The following WNT7A variants were observed in gnomAD, a reference collection of about 807,000 sequenced individuals.
WNT7A encodes Wnt family member 7A.
In WNT7A, 16 loss-of-function variants were observed where a neutral mutation model predicts 28.2. The observed-to-expected ratio is 0.57, with a 90% CI of 0.38 to 0.86. WNT7A has a LOEUF of 0.86. Among genes scored for constraint, WNT7A ranks in the 40% least tolerant of loss-of-function variants. WNT7A has a pLI of 0.00. For synonymous variants in WNT7A, 190 were observed against 195.9 expected (o/e 0.97, Z 0.25); for missense variants, 411 against 489.7 (o/e 0.84, Z 1.52).
At chr3:13,824,920 A>G (rs934240844) in intron 3 of WNT7A, among the ~76,000 whole-genome samples, 6 of 152,208 alleles carry the variant, frequency 3.9e-5, no homozygotes, top group Admixed American at 3.9e-4. Context: ...ATTACGGCAC[A>G]TCTATGAGTT....
intron 3 of WNT7A, among the ~76,000 whole-genome samples, chr3:13,847,693 A>G (rs567583821): frequency 6.6e-6 from 1 of 152,326 alleles, no homozygotes; most frequent in Non-Finnish European, 1.5e-5. Flanking sequence ...CGCTAACTGA[A>G]ATAAGACAGA....
intron 2 of WNT7A, among the ~76,000 whole-genome samples, chr3:13,863,498 T>C (rs947865363): frequency 6.6e-6 from 1 of 152,040 alleles, no homozygotes; most frequent in Non-Finnish European, 1.5e-5. Flanking sequence ...CCTGCCTGTC[T>C]ACCACATGAA....
At chr3:13,869,788 G>A (rs368277582) in intron 2 of WNT7A, among the ~76,000 whole-genome samples, 39 of 152,054 alleles carry the variant, frequency 2.6e-4, no homozygotes, top group African/African-American at 4.3e-4. Context: ...GACACCCCCC[G>A]CCCAAGGTAG....
At chr3:13,846,854 G>A (rs1417946330) in intron 3 of WNT7A, among the ~76,000 whole-genome samples, 4 of 152,124 alleles carry the variant, frequency 2.6e-5, no homozygotes, top group Non-Finnish European at 4.4e-5. Context: ...GGTGTTCAGC[G>A]CCTCCTCAGG....
chr3:13,844,473 T>A (rs1694508804), intron 3 of WNT7A, among the ~76,000 whole-genome samples: 1 of 152,244 alleles, frequency 6.6e-6, no homozygotes, highest in East Asian at 1.9e-4. Context: ...AGACCCTGAG[T>A]CCAGCTCTCC....
Position 13,817,480 on chromosome 3 carries a change from C to T in WNT7A, c.*1464G>A. ...CACACACACACACACACCGGAAATG[C>T]AAACGGACACATATTAGAACACCCC... is the stretch of plus-strand genomic sequence containing the variant. On this transcript the variant is annotated 3_prime_UTR_variant, in exon 4 of 4. Coordinates refer to ENST00000285018, the MANE Select transcript of WNT7A (RefSeq NM_004625.4). 1 of 152,832 alleles carries T rather than the reference C, an allele frequency of 6.5e-6. No homozygotes were observed. The highest frequency in any genetic ancestry group is 1.4e-5 in the Non-Finnish European group (1 of 69,080). 9.5% of individuals were successfully genotyped at this position (152,832 alleles called of 1,614,324 possible).
intron 1 of WNT7A, among the ~76,000 whole-genome samples, chr3:13,875,538 A>G (rs891335645): frequency 5.9e-5 from 9 of 152,224 alleles, no homozygotes; most frequent in Admixed American, 3.9e-4. Context: ...GAAGCTCTAT[A>G]TTGCTAGGGA....
intron 3 of WNT7A, among the ~76,000 whole-genome samples, chr3:13,823,324 G>A (rs367880886): frequency 1.3e-3 from 191 of 152,304 alleles, no homozygotes; most frequent in African/African-American, 4.4e-3. Flanking sequence ...CAGGCTCTAA[G>A]ATGACACGGC....
intron 3 of WNT7A, among the ~76,000 whole-genome samples, chr3:13,831,721 C>T (rs762463056): frequency 5.3e-5 from 8 of 152,132 alleles, no homozygotes; most frequent in Non-Finnish European, 1.2e-4. Flanking sequence ...CTGGTTGGTG[C>T]TGGGTACAAA....
intron 2 of WNT7A, among the ~76,000 whole-genome samples, chr3:13,857,628 A>G (rs1694767027): frequency 1.3e-5 from 2 of 152,178 alleles, no homozygotes; most frequent in Non-Finnish European, 2.9e-5. Context: ...CCCCCGGTCC[A>G]GTGATTCCCC....
chr3:13,854,421 G>A, intron 3 of WNT7A, 111 bp downstream of exon 3: 1 of 1,562,892 alleles, frequency 6.4e-7, no homozygotes, highest in Non-Finnish European at 8.7e-7. Context: ...GAATGAGGCT[G>A]AGGGCAGAGC....
rs775812566 is a variant in WNT7A, at chr3:13,879,500, G to A, written c.71+246C>T. ...TCCCTCAGGCTGGAGCGTCCCTACC[G>A]GCTGTCTCTGGTCCTGGGGGATTCC... On this transcript the variant is annotated intron_variant, in intron 1 of 3. Coordinates refer to ENST00000285018, the MANE Select transcript of WNT7A (RefSeq NM_004625.4). 4.7e-4 allele frequency among the ~76,000 whole-genome samples: 72 copies of A among 152,030 alleles called. 1 individual carries two copies. The highest frequency in any genetic ancestry group is 7.2e-4 in the Admixed American group (11 of 15,286).
chr3:13,825,417 G>T (rs1694177398), intron 3 of WNT7A, among the ~76,000 whole-genome samples: 1 of 152,156 alleles, frequency 6.6e-6, no homozygotes, highest in African/African-American at 2.4e-5. Flanking sequence ...GGGAGGACTT[G>T]CTTCATAGCT....
intron 3 of WNT7A, among the ~76,000 whole-genome samples, chr3:13,838,727 C>T (rs868493915): frequency 2.6e-5 from 4 of 152,252 alleles, no homozygotes; most frequent in Non-Finnish European, 2.9e-5. Context: ...AGCTGGGTCT[C>T]CCCAGCTAGT....
chr3:13,859,988 C>T (rs1351298343), intron 2 of WNT7A, among the ~76,000 whole-genome samples: 1 of 151,010 alleles, frequency 6.6e-6, no homozygotes, highest in Non-Finnish European at 1.5e-5. Context: ...CCTTATAGCC[C>T]ATCTCCTAGC....
At chr3:13,852,924 C>T (rs1250372944) in intron 3 of WNT7A, among the ~76,000 whole-genome samples, 1 of 152,160 alleles carries the variant, frequency 6.6e-6, no homozygotes, top group African/African-American at 2.4e-5. Flanking sequence ...TCCTCCCTAA[C>T]CAGAGAGCAC....
chr3:13,845,774 A>T (rs575196994), intron 3 of WNT7A, among the ~76,000 whole-genome samples: 4 of 152,204 alleles, frequency 2.6e-5, no homozygotes, highest in Admixed American at 6.5e-5. Flanking sequence ...ATGGCCTAGG[A>T]TGTGTGCCAC....
chr3:13,824,634 T>C (rs570955837), intron 3 of WNT7A, among the ~76,000 whole-genome samples: 1 of 152,146 alleles, frequency 6.6e-6, no homozygotes, highest in African/African-American at 2.4e-5. Flanking sequence ...CCCACCCTCC[T>C]GGCCCCCAGG....
chr3:13,823,623 G>A (rs1002480011), intron 3 of WNT7A, among the ~76,000 whole-genome samples: 14 of 152,222 alleles, frequency 9.2e-5, no homozygotes, highest in African/African-American at 3.4e-4. Context: ...TTATATTAGT[G>A]GCTGCACCAC....
Sources: allele counts gnomAD v4.1 joint callset (sites outside exome capture counted in the v4.1 genomes callset), GRCh38; gene constraint gnomAD v4.1.1; transcripts MANE v1.5; gene names NCBI Gene and HGNC (gene_info 2026-07-23, HGNC 2026-07-21).